The following LINGO2 variants were observed in gnomAD, a reference collection of about 807,000 sequenced individuals.
LINGO2 encodes leucine-rich repeat and immunoglobulin-like domain-containing nogo receptor-interacting protein 2.
Under a neutral mutation model 30.6 loss-of-function variants are expected in LINGO2, and 14 were observed. That is an observed-to-expected ratio of 0.46 (90% CI 0.30 to 0.72). The LOEUF (loss-of-function observed/expected upper bound fraction) is 0.72, where lower values mean the gene tolerates loss of function less well. Ranked by LOEUF, LINGO2 falls within the 30% of genes least tolerant of loss-of-function variation. The pLI, the probability that LINGO2 is intolerant of heterozygous loss-of-function variation, is 0.07. For synonymous variants in LINGO2, 317 were observed against 288.5 expected, an observed-to-expected ratio of 1.10 and a Z score of -1.00; for missense variants, 729 against 751.7, an observed-to-expected ratio of 0.97 and a Z score of 0.35.
chr9:27,942,920 T>C, the LINGO2 span: 3 of 152,292 alleles, frequency 2.0e-5, no homozygotes, highest in East Asian at 5.8e-4. Flanking sequence ...GTTTTTATGA[T>C]ATACCTGATT....
chr9:27,983,560 C>T (rs1820984201), intron 5 of LINGO2, among the ~76,000 whole-genome samples: 3 of 151,820 alleles, frequency 2.0e-5, no homozygotes, highest in Admixed American at 6.6e-5. Context: ...CATCCTGCAT[C>T]CCACTAACTG....
chr9:28,814,731 C>T, the LINGO2 span, among the ~76,000 whole-genome samples: 2 of 152,096 alleles, frequency 1.3e-5, no homozygotes, highest in Non-Finnish European at 2.9e-5. Context: ...ACTAAAAATA[C>T]AACAAAATTA....
intron 4 of LINGO2, among the ~76,000 whole-genome samples, chr9:28,053,698 A>G (rs781112109): frequency 3.3e-5 from 5 of 152,096 alleles, no homozygotes; most frequent in African/African-American, 4.8e-5. Flanking sequence ...CCTCATCATG[A>G]AATCTTGATA....
the LINGO2 span, among the ~76,000 whole-genome samples, chr9:28,892,977 C>T: frequency 6.6e-6 from 1 of 151,978 alleles, no homozygotes; most frequent in South Asian, 2.1e-4. Flanking sequence ...ATAGCAGATA[C>T]TATAAGAAAT....
At chr9:28,045,322 A>C (rs1824370814) in intron 4 of LINGO2, among the ~76,000 whole-genome samples, 1 of 152,288 alleles carries the variant, frequency 6.6e-6, no homozygotes. Flanking sequence ...AACTTTGAGT[A>C]TTTTATAGAC....
At chr9:28,390,917 A>G (rs1470956217) in intron 2 of LINGO2, among the ~76,000 whole-genome samples, 2 of 152,098 alleles carry the variant, frequency 1.3e-5, no homozygotes, top group Non-Finnish European at 2.9e-5. Flanking sequence ...TCTTAGTAGC[A>G]TTAGTGAAAA....
the LINGO2 span, among the ~76,000 whole-genome samples, chr9:28,735,472 T>G: frequency 6.6e-6 from 1 of 152,152 alleles, no homozygotes; most frequent in East Asian, 1.9e-4. Flanking sequence ...TAGTAAATAT[T>G]TCAACTTATA....
intron 4 of LINGO2, among the ~76,000 whole-genome samples, chr9:28,104,599 A>C (rs568067441): frequency 6.6e-6 from 1 of 151,972 alleles, no homozygotes; most frequent in Admixed American, 6.6e-5. Context: ...CATGATCCTA[A>C]GATGGAACAC....
chr9:28,157,619 C>T lies in LINGO2; in HGVS notation c.-87+137589G>A, dbSNP rs369540354. Among the ~76,000 whole-genome samples, 19 of 152,290 alleles carry T rather than the reference C, an allele frequency of 1.2e-4. No individual in the cohort carries two copies. In the East Asian group the frequency reaches 2.3e-3, roughly 19 times the overall value. On this transcript the variant is annotated intron_variant, in intron 4 of 5. Coordinates refer to ENST00000379992, the Ensembl canonical transcript of LINGO2. ...ATGATTTTTTTCTTTTCTATCATCTCGTGAGGCTGCAAATTTTCTGAACTT... is the reference window on the plus strand; with the variant it reads ...ATGATTTTTTTCTTTTCTATCATCTTGTGAGGCTGCAAATTTTCTGAACTT...
chr9:28,543,133 A>G (rs1821778364), intron 1 of LINGO2, among the ~76,000 whole-genome samples: 1 of 152,154 alleles, frequency 6.6e-6, no homozygotes, highest in South Asian at 2.1e-4. Context: ...TAGCAATTGC[A>G]TATAAAGACA....
intron 1 of LINGO2, among the ~76,000 whole-genome samples, chr9:28,588,281 A>T (rs1489936822): frequency 4.0e-5 from 6 of 151,796 alleles, no homozygotes; most frequent in Non-Finnish European, 8.9e-5. Flanking sequence ...CTGAAAAATG[A>T]TTGGAGAATG....
chr9:28,769,876 C>T, the LINGO2 span, among the ~76,000 whole-genome samples: 1 of 151,774 alleles, frequency 6.6e-6, no homozygotes, highest in African/African-American at 2.4e-5. Context: ...AGGCTGTGCT[C>T]TTACTACTTT....
the LINGO2 span, among the ~76,000 whole-genome samples, chr9:29,091,650 T>C: frequency 3.3e-5 from 5 of 152,140 alleles, no homozygotes; most frequent in African/African-American, 9.6e-5. Flanking sequence ...TTTACTGGAA[T>C]TGGATAATGT....
chr9:28,964,275 G>T, the LINGO2 span, among the ~76,000 whole-genome samples: 27 of 151,980 alleles, frequency 1.8e-4, no homozygotes, highest in African/African-American at 5.5e-4. Context: ...GAACAGAGAA[G>T]GGCACCTAAC....
At chr9:28,479,845 C>CTGCGTGTGTG (rs764459370) in intron 1 of LINGO2, among the ~76,000 whole-genome samples, 1 of 60,148 alleles carries the variant, frequency 1.7e-5, no homozygotes, top group African/African-American at 5.3e-5. Context: ...ACCATGTCAT[C>CTGCGTGTGTG]TGTGTGTGTG....
intron 1 of LINGO2, among the ~76,000 whole-genome samples, chr9:28,610,752 T>C (rs1006233252): frequency 6.6e-6 from 1 of 152,120 alleles, no homozygotes; most frequent in African/African-American, 2.4e-5. Flanking sequence ...ACAAAAAAGC[T>C]AAGTCATATA....
intron 5 of LINGO2, among the ~76,000 whole-genome samples, chr9:28,004,875 T>C (rs1369103341): frequency 6.6e-6 from 1 of 152,126 alleles, no homozygotes; most frequent in African/African-American, 2.4e-5. Context: ...CAGGTATGTA[T>C]ATAAGAGGAG....
At chr9:28,262,394 C>T (rs550567981) in intron 4 of LINGO2, among the ~76,000 whole-genome samples, 1 of 151,566 alleles carries the variant, frequency 6.6e-6, no homozygotes, top group Non-Finnish European at 1.5e-5. Flanking sequence ...GAATGGACAT[C>T]CAAATTGAAT....
rs184180935 is a variant in LINGO2, at chr9:28,063,657, G to A, written c.-86-51252C>T. 1.2e-4 allele frequency among the ~76,000 whole-genome samples: 18 copies of A among 152,104 alleles called. No individual in the cohort carries two copies. In the East Asian group the frequency reaches 2.9e-3, roughly 25 times the overall value. ...TAAATTCAGATCTTTCCATTTCGTC[G>A]TGTCCTTTCCATCATGTTACATTTT... On this transcript the variant is annotated intron_variant, in intron 4 of 5. Transcript: ENST00000379992.
Sources: allele counts gnomAD v4.1 joint callset (sites outside exome capture counted in the v4.1 genomes callset), GRCh38; gene constraint gnomAD v4.1.1; transcripts MANE v1.5; gene names NCBI Gene and HGNC (gene_info 2026-07-23, HGNC 2026-07-21).